The following ROS1 variants were observed in gnomAD, a reference collection of about 807,000 sequenced individuals.
ROS1 encodes ROS proto-oncogene 1, receptor tyrosine kinase.
A neutral mutation model predicts 273.5 loss-of-function variants in ROS1; 263 were observed. The ratio of observed to expected loss-of-function variants is 0.96; its 90% CI spans 0.87 to 1.06. The LOEUF is 1.06. ROS1 is among the 50% of genes least tolerant of loss of function. The pLI is 0.00. For missense variants in ROS1, 2,833 were observed against 2,751.1 expected, an observed-to-expected ratio of 1.03 and a Z score of -0.67; for synonymous variants, 1,008 against 954.1, an observed-to-expected ratio of 1.06 and a Z score of -1.04.
At chr6:117,409,290 T>TTG (rs1158386844) in intron 5 of ROS1, among the ~76,000 whole-genome samples, 2 of 152,060 alleles carry the variant, frequency 1.3e-5, no homozygotes, top group African/African-American at 4.8e-5. Flanking sequence ...GGATGTACAT[T>TTG]TGTCTGTCAT....
At chr6:117,321,829 A>ATTTTTT (rs11451804) in intron 35 of ROS1, among the ~76,000 whole-genome samples, 2 of 123,028 alleles carry the variant, frequency 1.6e-5, no homozygotes, top group African/African-American at 3.1e-5. Context: ...TATAATGGCA[A>ATTTTTT]TTTTTTTTTT....
intron 5 of ROS1, among the ~76,000 whole-genome samples, chr6:117,408,668 G>A (rs1424861369): frequency 1.3e-5 from 2 of 152,172 alleles, no homozygotes. Context: ...ATTCCTTAGG[G>A]ATCTAGAACT....
intron 5 of ROS1, among the ~76,000 whole-genome samples, chr6:117,405,789 G>T (rs993139889): frequency 6.6e-6 from 1 of 152,100 alleles, no homozygotes; most frequent in Admixed American, 6.5e-5. Flanking sequence ...GGTAAGAAAA[G>T]GCTCTGTTAC....
chr6:117,387,622 T>C (rs539245391), intron 14 of ROS1, among the ~76,000 whole-genome samples, 158 bp downstream of exon 14: 33 of 152,154 alleles, frequency 2.2e-4, no homozygotes, highest in African/African-American at 8.0e-4. Context: ...TCTCAGAAAA[T>C]AAATATGTAC....
chr6:117,379,103 G>T lies in ROS1; in HGVS notation c.2538C>A (p.Asp846Glu). 1.2e-6 allele frequency: 2 copies of T among 1,613,374 alleles called. No individual in the cohort carries two copies. The highest frequency in any genetic ancestry group is 1.7e-6 in the Non-Finnish European group (2 of 1,179,414). ...CTGTGTACAGGTGAATACATTGACT[G>T]TCTTGAACCAACCAATACAGGAGCC... ...SDGLLYWLVQ[D>E]SQCIHLYTAV... Residue 846 changes from aspartate (D) to glutamate (E), a missense_variant, in exon 18 of 44, where the codon GAC becomes GAA. Asp to Glu is a conservative substitution (Grantham distance 45, BLOSUM62 2). Transcript: ENST00000368507.
At chr6:117,362,547 C>G in intron 22 of ROS1, 56 bp downstream of exon 22, 1 of 1,514,764 alleles carries the variant, frequency 6.6e-7, no homozygotes, top group South Asian at 1.3e-5. Flanking sequence ...TAGTCTTTCC[C>G]TCTCCCCACA....
chr6:117,323,259 G>A (rs757464874), intron 35 of ROS1, among the ~76,000 whole-genome samples: 2 of 152,030 alleles, frequency 1.3e-5, no homozygotes, highest in Non-Finnish European at 2.9e-5. Context: ...ATCTCAAATC[G>A]AGCTTCAAAG....
At chr6:117,312,964 G>C (rs944585777) in intron 39 of ROS1, among the ~76,000 whole-genome samples, 4 of 152,014 alleles carry the variant, frequency 2.6e-5, no homozygotes, top group African/African-American at 9.7e-5. Context: ...TCCTCAGTTG[G>C]AAATCACTCC....
chr6:117,361,925 A>G (rs1671215390), intron 22 of ROS1, among the ~76,000 whole-genome samples: 1 of 152,124 alleles, frequency 6.6e-6, no homozygotes. Context: ...GGATCAAATG[A>G]GATAATGAAT....
chr6:117,320,085 A>AGTTTGT, intron 36 of ROS1, 55 bp from the exon 37 acceptor site: 1 of 1,484,232 alleles, frequency 6.7e-7, no homozygotes, highest in Non-Finnish European at 9.3e-7. Flanking sequence ...AGGGTGTACA[A>AGTTTGT]GTTTGTGTTG....
At chr6:117,418,439 T>G in intron 2 of ROS1, 23 bp downstream of exon 2, 1 of 1,547,396 alleles carries the variant, frequency 6.5e-7, no homozygotes, top group Non-Finnish European at 8.8e-7. Context: ...GTAATATTCT[T>G]GACAACTGAA....
chr6:117,374,957 C>T (rs571062534), intron 18 of ROS1, among the ~76,000 whole-genome samples: 2 of 152,272 alleles, frequency 1.3e-5, no homozygotes, highest in East Asian at 3.9e-4. Flanking sequence ...TGGGTATCCA[C>T]CCAAGGAAAA....
At chr6:117,297,602 A>G (rs968343937) in intron 43 of ROS1, among the ~76,000 whole-genome samples, 1 of 152,216 alleles carries the variant, frequency 6.6e-6, no homozygotes, top group African/African-American at 2.4e-5. Flanking sequence ...ACAACTGACC[A>G]ACAGGTATAT....
intron 3 of ROS1, 74 bp downstream of exon 3, chr6:117,416,184 A>G: frequency 2.2e-6 from 2 of 916,840 alleles, no homozygotes; most frequent in South Asian, 1.4e-5. Context: ...GGAAATGCAA[A>G]TGGGAATCCT....
chr6:117,296,316 G>A (rs541227071), intron 43 of ROS1, among the ~76,000 whole-genome samples: 231 of 152,074 alleles, frequency 1.5e-3, no homozygotes, highest in Non-Finnish European at 2.5e-3. Flanking sequence ...CATAAGAATC[G>A]CTTGAAACTG....
chr6:117,313,614 T>C (rs770046120), intron 39 of ROS1, among the ~76,000 whole-genome samples: 22 of 151,698 alleles, frequency 1.5e-4, no homozygotes, highest in Non-Finnish European at 3.1e-4. Flanking sequence ...AAGCTTTTGA[T>C]TCAATATTCC....
rs1321259618 is a variant in ROS1 at position 117,357,881 on chromosome 6, CT to C, written c.3761del (p.Lys1254ArgfsTer2). 1.2e-6 allele frequency: 2 copies of C among 1,613,566 alleles called. No homozygotes were observed. The highest frequency in any genetic ancestry group is 1.7e-6 in the Non-Finnish European group (2 of 1,179,686). On this transcript the variant is annotated frameshift_variant, in exon 25 of 44. Transcript: ENST00000368507. LOFTEE classifies it high-confidence loss of function. The stretch of plus-strand genomic sequence containing the variant: ...TCTTCACCTCTCTGGGATATTTCAC[CT>C]TGTGTTCAAGATCAACATCAAATAC... ...MQVFDVDLEHKVKYPREVKIH... is the reference protein window; with the variant it reads ...MQVFDVDLEHXVKYPREVKIH...
intron 3 of ROS1, among the ~76,000 whole-genome samples, chr6:117,415,824 T>C (rs1341738883): frequency 6.6e-6 from 1 of 152,140 alleles, no homozygotes; most frequent in Non-Finnish European, 1.5e-5. Flanking sequence ...ACCACCAGCA[T>C]TGCAACACCT....
At chr6:117,349,899 T>A (rs1178340652) in intron 27 of ROS1, among the ~76,000 whole-genome samples, 2 of 152,012 alleles carry the variant, frequency 1.3e-5, no homozygotes, top group Non-Finnish European at 2.9e-5. Context: ...CTTGTGTCAC[T>A]GCTGTGATTC....
Sources: gnomAD v4.1 joint callset for allele counts (sites outside exome capture counted in the v4.1 genomes callset) on GRCh38, gnomAD v4.1.1 for gene constraint, MANE v1.5 for transcripts, NCBI Gene and HGNC (gene_info 2026-07-23, HGNC 2026-07-21) for gene names.